Variants in THSD4 observed in about 807,000 individuals in gnomAD.
THSD4 encodes the protein thrombospondin type 1 domain containing 4, also known as thrombospondin type-1 domain-containing protein 4.
Under a neutral mutation model 119.0 loss-of-function variants are expected in THSD4, and 69 were observed. The ratio of observed to expected loss-of-function variants is 0.58; its 90% CI spans 0.48 to 0.71. THSD4 has a LOEUF of 0.71. Ranked by LOEUF, THSD4 falls within the 30% of genes least tolerant of loss-of-function variation. THSD4 has a pLI of 0.00. For synonymous variants in THSD4, 524 were observed against 540.4 expected (o/e 0.97, Z 0.42); for missense variants, 1,393 against 1,391.1 (o/e 1.00, Z -0.02).
intron 6 of THSD4, among the ~76,000 whole-genome samples, chr15:71,269,295 A>C (rs1206288642): frequency 6.6e-6 from 1 of 152,232 alleles, no homozygotes; most frequent in Non-Finnish European, 1.5e-5. Flanking sequence ...CTGGTTCAAC[A>C]TACACAAACC....
At chr15:71,391,666 T>G (rs548918828) in intron 6 of THSD4, among the ~76,000 whole-genome samples, 9 of 152,306 alleles carry the variant, frequency 5.9e-5, no homozygotes, top group African/African-American at 1.7e-4. Context: ...GTCACACGCT[T>G]TCCATTGAAT....
chr15:71,329,309 C>T (rs761066969), intron 6 of THSD4, among the ~76,000 whole-genome samples: 9 of 152,204 alleles, frequency 5.9e-5, no homozygotes, highest in South Asian at 2.1e-4. Flanking sequence ...TGGAATCTCA[C>T]GGACTTGAAA....
chr15:71,338,306 C>T lies in THSD4; in HGVS notation c.1016-73381C>T, dbSNP rs568962323. On this transcript the variant is annotated intron_variant, in intron 6 of 17. Coordinates refer to ENST00000261862, the MANE Select transcript of THSD4 (RefSeq NM_024817.3). Reference sequence around the variant, plus strand: ...CACTCTGAGCTTCTTTCCGAACACTCAGCAGTAGGACAGGAAGATCTGAAA... The same window carrying T: ...CACTCTGAGCTTCTTTCCGAACACTTAGCAGTAGGACAGGAAGATCTGAAA... 2.2e-5 allele frequency among the ~76,000 whole-genome samples: 3 copies of T among 138,226 alleles called. No homozygotes were observed. The South Asian group carries it at 7.8e-4, about 36-fold the overall frequency. The allele number at this position is 138,226 out of a possible 152,430, so 90.7% of individuals were successfully genotyped here. A position where few individuals can be genotyped will look rare whatever the true frequency, so the allele number is the denominator to read the frequency against.
intron 2 of THSD4, among the ~76,000 whole-genome samples, chr15:71,149,102 G>C (rs1043232608): frequency 3.3e-5 from 5 of 150,490 alleles, no homozygotes; most frequent in Admixed American, 6.6e-5. Context: ...GCAGTGGTGC[G>C]ATCTCAGCTC....
chr15:71,656,063 G>C (rs897310955), intron 7 of THSD4, among the ~76,000 whole-genome samples: 3 of 152,156 alleles, frequency 2.0e-5, no homozygotes, highest in Non-Finnish European at 4.4e-5. Context: ...ACATCAGCTA[G>C]TGATTATACC....
rs145362729 is a variant in THSD4 at position 71,658,803 on chromosome 15, C to T, written c.1153-1727C>T. The stretch of plus-strand genomic sequence containing the variant: ...AGCATATTGAGATGATGTTCTATTA[C>T]TGTCAGAGATAATGTTTTACAGAGA... On this transcript the variant is annotated intron_variant, in intron 7 of 17. Coordinates refer to ENST00000261862, the MANE Select transcript of THSD4 (RefSeq NM_024817.3). 1.9e-3 allele frequency among the ~76,000 whole-genome samples: 283 copies of T among 152,262 alleles called. 2 individuals carry two copies. The Middle Eastern group carries it at 0.031, about 16-fold the overall frequency.
chr15:71,223,067 C>T (rs559783051), intron 4 of THSD4, among the ~76,000 whole-genome samples: 7 of 152,302 alleles, frequency 4.6e-5, no homozygotes, highest in Non-Finnish European at 8.8e-5. Context: ...TCAGTAAAGG[C>T]GTCTCAATGC....
chr15:71,423,334 C>A (rs2046831729), intron 7 of THSD4, among the ~76,000 whole-genome samples: 1 of 152,112 alleles, frequency 6.6e-6, no homozygotes, highest in South Asian at 2.1e-4. Flanking sequence ...AGAGTCTTAC[C>A]CAAGGCCCAT....
At chr15:71,321,112 G>A (rs567744624) in intron 6 of THSD4, among the ~76,000 whole-genome samples, 12 of 152,264 alleles carry the variant, frequency 7.9e-5, no homozygotes, top group East Asian at 5.8e-4. Context: ...ATGATTCCCC[G>A]TTTTATAGAT....
intron 7 of THSD4, among the ~76,000 whole-genome samples, chr15:71,527,182 G>A (rs907644328): frequency 5.9e-5 from 9 of 152,082 alleles, no homozygotes; most frequent in Admixed American, 2.0e-4. Context: ...AAGTAGAGAC[G>A]GGGCCCTCAC....
intron 7 of THSD4, among the ~76,000 whole-genome samples, chr15:71,635,364 A>AACACACACAC (rs10565218): frequency 1.3e-5 from 2 of 150,190 alleles, no homozygotes; most frequent in South Asian, 2.1e-4. Flanking sequence ...AGTGGGTGGG[A>AACACACACAC]ACACACACAC....
intron 6 of THSD4, among the ~76,000 whole-genome samples, chr15:71,259,778 C>T (rs2044368135): frequency 6.6e-6 from 1 of 152,198 alleles, no homozygotes; most frequent in African/African-American, 2.4e-5. Context: ...GAGGGGATGA[C>T]TCAGCCTACA....
chr15:71,439,238 C>T (rs896536751), intron 7 of THSD4, among the ~76,000 whole-genome samples: 1 of 152,108 alleles, frequency 6.6e-6, no homozygotes, highest in Non-Finnish European at 1.5e-5. Context: ...GCATATGGAT[C>T]ATAGCAATTT....
intron 7 of THSD4, among the ~76,000 whole-genome samples, chr15:71,568,575 T>TG (rs1555427761): frequency 2.1e-5 from 3 of 146,068 alleles, no homozygotes; most frequent in East Asian, 4.1e-4. Context: ...TCTCTTTTTT[T>TG]TTTTTTGTTT....
At chr15:71,337,774 C>T (rs536015159) in intron 6 of THSD4, among the ~76,000 whole-genome samples, 7 of 152,220 alleles carry the variant, frequency 4.6e-5, no homozygotes, top group East Asian at 3.9e-4. Context: ...CTGAGCCCAC[C>T]GGAGACGTTC....
At chr15:71,137,412 G>A (rs1346028011) in intron 1 of THSD4, among the ~76,000 whole-genome samples, 2 of 152,142 alleles carry the variant, frequency 1.3e-5, no homozygotes, top group African/African-American at 4.8e-5. Context: ...CACAATCACA[G>A]TTCTAGGCCT....
intron 8 of THSD4, among the ~76,000 whole-genome samples, chr15:71,683,451 T>G (rs1250606106): frequency 6.6e-6 from 1 of 152,144 alleles, no homozygotes; most frequent in Admixed American, 6.5e-5. Context: ...TTTACAAAAT[T>G]CTACCGGGGA....
In THSD4 at chr15:71,384,711, A is replaced by C. The variant is rs1596387579; in HGVS notation, c.1016-26976A>C. On this transcript the variant is annotated intron_variant, in intron 6 of 17. Coordinates refer to ENST00000261862, the MANE Select transcript of THSD4 (RefSeq NM_024817.3). ...TTCTGGAGCCCACATTTTAAAATGC[A>C]CTTCTTAAAGTGCAGTGCCGTTCAT... Among the ~76,000 whole-genome samples, 3 of 152,202 alleles carry C rather than the reference A, an allele frequency of 2.0e-5. No individual in the cohort carries two copies. The East Asian group carries it at 5.8e-4, about 29-fold the overall frequency.
intron 3 of THSD4, among the ~76,000 whole-genome samples, chr15:71,195,631 A>T (rs1157321459): frequency 6.6e-6 from 1 of 152,174 alleles, no homozygotes. Context: ...GGCGAGATAG[A>T]CTTTATCCTT....
Sources: gnomAD v4.1 joint callset for allele counts (sites outside exome capture counted in the v4.1 genomes callset) on GRCh38, gnomAD v4.1.1 for gene constraint, MANE v1.5 for transcripts, NCBI Gene and HGNC (gene_info 2026-07-23, HGNC 2026-07-21) for gene names.